SMCO4: variants seen among roughly 807,000 people sequenced by gnomAD.
SMCO4 encodes the protein single-pass membrane and coiled-coil domain-containing protein 4.
Under a neutral mutation model 3.6 loss-of-function variants are expected in SMCO4, and 4 were observed. The observed-to-expected ratio is 1.11, with a 90% CI of 0.54 to 2.53. The LOEUF (loss-of-function observed/expected upper bound fraction) is 2.53, where lower values mean the gene tolerates loss of function less well. Among genes scored for constraint, SMCO4 ranks in the 30% most tolerant of loss-of-function variants. SMCO4 has a pLI of 0.02. For missense variants in SMCO4, 70 were observed against 80.8 expected (o/e 0.87, Z 0.51); for synonymous variants, 36 against 35.3 (o/e 1.02, Z -0.07).
At chr11:93,500,908 A>C (rs1948830362) in intron 1 of SMCO4, among the ~76,000 whole-genome samples, 1 of 152,178 alleles carries the variant, frequency 6.6e-6, no homozygotes, top group South Asian at 2.1e-4. Context: ...AGGCCTTCTG[A>C]GCAGCTTGTC....
intron 1 of SMCO4, among the ~76,000 whole-genome samples, chr11:93,501,455 G>A (rs146302698): frequency 2.5e-4 from 38 of 152,290 alleles, no homozygotes; most frequent in African/African-American, 7.2e-4. Flanking sequence ...GTTTGTCGCC[G>A]CTTCCAGCTT....
intron 1 of SMCO4, among the ~76,000 whole-genome samples, chr11:93,516,504 G>T (rs1949008795): frequency 6.6e-6 from 1 of 152,148 alleles, no homozygotes; most frequent in Non-Finnish European, 1.5e-5. Context: ...AAAAGAGAGA[G>T]ATCGTCTAGG....
chr11:93,521,742 C>T (rs1035467764), intron 1 of SMCO4, among the ~76,000 whole-genome samples: 1 of 152,170 alleles, frequency 6.6e-6, no homozygotes, highest in African/African-American at 2.4e-5. Flanking sequence ...GTTACAAATT[C>T]TCCCAGACAG....
At position 93,478,756 on chromosome 11, in the gene SMCO4, C is replaced by CAG; in HGVS notation, c.*253_*254insCT. On this transcript the variant is annotated 3_prime_UTR_variant, in exon 3 of 3. Transcript: ENST00000298966. ...ACACACACACACACACACACACATG[C>CAG]GCGCGCGCTTTGAAGTCTGAAAGGC... 1 of 914,264 alleles carries CAG rather than the reference C, an allele frequency of 1.1e-6. No homozygotes were observed. The highest frequency in any genetic ancestry group is 1.5e-6 in the Non-Finnish European group (1 of 676,986). The allele number at this position is 914,264 out of a possible 1,614,324, so 56.6% of individuals were successfully genotyped here.
rs74722637 is a variant in SMCO4 at position 93,541,243 on chromosome 11, C to A, written c.-154+2033G>T. ...CCAGGAAGCTCTAGTGAGAAGTTGC[C>A]CAGGGGGTCTAGGGGACAGGAGCGG... On this transcript the variant is annotated intron_variant, in intron 1 of 2. Transcript: ENST00000298966. Among the ~76,000 whole-genome samples the A allele has an allele frequency of 4.8e-4, 73 of 152,252 alleles. No homozygotes were observed. The East Asian group carries it at 7.3e-3, about 15-fold the overall frequency.
intron 1 of SMCO4, among the ~76,000 whole-genome samples, chr11:93,506,663 G>A (rs952013768): frequency 6.6e-6 from 1 of 152,074 alleles, no homozygotes. Flanking sequence ...GGATGGTCTC[G>A]CTCTCCTGAC....
intron 1 of SMCO4, among the ~76,000 whole-genome samples, chr11:93,507,235 T>C (rs1229778592): frequency 6.6e-6 from 1 of 152,118 alleles, no homozygotes; most frequent in Non-Finnish European, 1.5e-5. Flanking sequence ...TGAAACCCTA[T>C]CTCTACTAAA....
intron 1 of SMCO4, among the ~76,000 whole-genome samples, chr11:93,542,989 T>C (rs1427911928): frequency 4.6e-5 from 7 of 150,622 alleles, no homozygotes; most frequent in African/African-American, 1.7e-4. Flanking sequence ...CGCCCCAACT[T>C]TTCCCAGCCC....
intron 2 of SMCO4, among the ~76,000 whole-genome samples, chr11:93,490,233 G>C (rs1169517272): frequency 6.6e-6 from 1 of 152,212 alleles, no homozygotes; most frequent in Non-Finnish European, 1.5e-5. Context: ...CTTCTTTACA[G>C]AGCAATCAGA....
intron 1 of SMCO4, among the ~76,000 whole-genome samples, chr11:93,501,579 T>A (rs1326626364): frequency 6.6e-6 from 1 of 152,202 alleles, no homozygotes; most frequent in Non-Finnish European, 1.5e-5. Context: ...CAAATCTCTC[T>A]CTGCTTCTCT....
chr11:93,519,683 C>T (rs1949040432), intron 1 of SMCO4, among the ~76,000 whole-genome samples: 1 of 152,204 alleles, frequency 6.6e-6, no homozygotes, highest in South Asian at 2.1e-4. Flanking sequence ...AAGAAGGTGG[C>T]TTATTATGGA....
upstream of SMCO4, among the ~76,000 whole-genome samples, chr11:93,547,977 C>T (rs550044403): frequency 6.6e-6 from 1 of 152,342 alleles, no homozygotes; most frequent in East Asian, 1.9e-4. Flanking sequence ...GAATGGTGGT[C>T]TGCATGTCTC....
At chr11:93,496,882 G>A (rs1227523656) in intron 2 of SMCO4, among the ~76,000 whole-genome samples, 1 of 152,166 alleles carries the variant, frequency 6.6e-6, no homozygotes, top group African/African-American at 2.4e-5. Context: ...CCAGTAAAAG[G>A]GTGTTGGTAT....
At chr11:93,553,878 A>G in the SMCO4 span, among the ~76,000 whole-genome samples, 1 of 152,208 alleles carries the variant, frequency 6.6e-6, no homozygotes, top group Non-Finnish European at 1.5e-5. Flanking sequence ...TATTTGCTCT[A>G]CAAAGCCAGG....
Position 93,492,489 on chromosome 11 carries a change from A to G in SMCO4, c.-81+6787T>C, listed in dbSNP as rs555164312. The stretch of plus-strand genomic sequence containing the variant: ...ATAAAAAATAAACAAATAAAAGTGT[A>G]ATATGTCAAGGAACAAAGTGCTATG... On this transcript the variant is annotated intron_variant, in intron 2 of 2. Coordinates refer to ENST00000298966, the MANE Select transcript of SMCO4 (RefSeq NM_020179.3). 3.9e-5 allele frequency among the ~76,000 whole-genome samples: 6 copies of G among 152,368 alleles called. No homozygotes were observed. In the South Asian group the frequency reaches 1.2e-3, roughly 32 times the overall value.
At chr11:93,541,797 A>C (rs949462766) in intron 1 of SMCO4, among the ~76,000 whole-genome samples, 1 of 152,178 alleles carries the variant, frequency 6.6e-6, no homozygotes, top group African/African-American at 2.4e-5. Flanking sequence ...AATCTAAGCT[A>C]ATTTCTTTAT....
chr11:93,532,980 T>C (rs1003834363), intron 1 of SMCO4, among the ~76,000 whole-genome samples: 2 of 152,182 alleles, frequency 1.3e-5, no homozygotes, highest in African/African-American at 4.8e-5. Flanking sequence ...GAACAGTGTA[T>C]TTCCTGAATG....
intron 1 of SMCO4, among the ~76,000 whole-genome samples, chr11:93,531,063 G>T (rs534984222): frequency 1.3e-5 from 2 of 152,272 alleles, no homozygotes; most frequent in African/African-American, 4.8e-5. Context: ...CAGACTTTTG[G>T]CCAAAGATTA....
chr11:93,521,424 G>C (rs554418394), intron 1 of SMCO4, among the ~76,000 whole-genome samples: 1 of 152,196 alleles, frequency 6.6e-6, no homozygotes, highest in Admixed American at 6.5e-5. Flanking sequence ...CACTAAACTC[G>C]AGCTAACTCA....
Sources: allele counts gnomAD v4.1 joint callset (sites outside exome capture counted in the v4.1 genomes callset), GRCh38; gene constraint gnomAD v4.1.1; transcripts MANE v1.5; gene names NCBI Gene and HGNC (gene_info 2026-07-23, HGNC 2026-07-21).